Variants in COG2 observed in about 807,000 individuals in gnomAD.
COG2 encodes the protein conserved oligomeric Golgi complex subunit 2.
In COG2, 52 loss-of-function variants were observed where a neutral mutation model predicts 90.6. That is an observed-to-expected ratio of 0.57 (90% CI 0.46 to 0.72). The LOEUF is 0.72. Among genes scored for constraint, COG2 ranks in the 30% least tolerant of loss-of-function variants. COG2 has a pLI of 0.00. For missense variants in COG2, 829 were observed against 891.2 expected (o/e 0.93, Z 0.89); for synonymous variants, 337 against 320.4 (o/e 1.05, Z -0.55).
chr1:230,684,883 C>T (rs115753507), intron 11 of COG2, among the ~76,000 whole-genome samples: 6 of 152,256 alleles, frequency 3.9e-5, no homozygotes, highest in Non-Finnish European at 5.9e-5. Context: ...TAAAATTGTG[C>T]GTGGCATGAA....
chr1:230,669,340 C>T lies in COG2; in HGVS notation c.595-16C>T. On this transcript the variant is annotated splice_polypyrimidine_tract_variant and intron_variant, in intron 6 of 17. Coordinates refer to ENST00000366669, the MANE Select transcript of COG2 (RefSeq NM_007357.3). ...CAACTAGAGCTTTTTTTTTATTTAC[C>T]CACCTTTTCTTGCAGCGTATAGCTG... is the stretch of plus-strand genomic sequence containing the variant. The T allele has an allele frequency of 7.0e-6, 11 of 1,574,430 alleles. No individual in the cohort carries two copies. The highest frequency in any genetic ancestry group is 1.9e-5 in the Admixed American group (1 of 53,816).
Position 230,672,254 on chromosome 1 carries a change from G to A in COG2, c.899+614G>A, listed in dbSNP as rs112393172. Among the ~76,000 whole-genome samples the A allele has an allele frequency of 6.1e-3, 924 of 152,214 alleles. 7 individuals are homozygous for A. Among genetic ancestry groups the A allele is most frequent in the African/African-American group, 0.021 (857 of 41,534 alleles). On this transcript the variant is annotated intron_variant, in intron 8 of 17. Coordinates refer to ENST00000366669, the MANE Select transcript of COG2 (RefSeq NM_007357.3). ...ATCTGAGATTCATAGATTTCTTCAT[G>A]AATCTTTAGTGGCTTCTCAGTGCGC... is the stretch of plus-strand genomic sequence containing the variant.
intron 5 of COG2, among the ~76,000 whole-genome samples, chr1:230,664,821 G>A (rs1253283497): frequency 6.6e-6 from 1 of 152,174 alleles, no homozygotes; most frequent in Non-Finnish European, 1.5e-5. Flanking sequence ...GGGAGTCAGA[G>A]AACGTGTACT....
chr1:230,676,779 G>A (rs1369637421), intron 9 of COG2, among the ~76,000 whole-genome samples: 1 of 152,066 alleles, frequency 6.6e-6, no homozygotes, highest in East Asian at 1.9e-4. Context: ...TATTGCTTCT[G>A]TTTGTAAGGT....
At chr1:230,647,456 T>C (rs77097058) in intron 1 of COG2, among the ~76,000 whole-genome samples, 11,873 of 152,278 alleles carry the variant, frequency 0.078, 666 homozygotes, top group East Asian at 0.16. Flanking sequence ...GGCCCCAGTT[T>C]CAGCTCTGCT....
At chr1:230,664,706 T>A in intron 5 of COG2, 119 bp downstream of exon 5, 1 of 529,548 alleles carries the variant, frequency 1.9e-6, no homozygotes, top group Non-Finnish European at 3.3e-6. Flanking sequence ...TTAGTGTTTT[T>A]AAATGTAGCT....
At chr1:230,650,795 C>A (rs1047344278) in intron 1 of COG2, among the ~76,000 whole-genome samples, 3 of 152,086 alleles carry the variant, frequency 2.0e-5, no homozygotes, top group Non-Finnish European at 4.4e-5. Context: ...AGAATTTTTC[C>A]TAGGTTTTCT....
At position 230,659,535 on chromosome 1, in the gene COG2, C is replaced by T. The variant is rs746683938; in HGVS notation, c.144C>T (p.Asp48=). ...KRVQLEELRD[D]LELYYKLLKT... ...TCCAGCTGGAAGAACTGAGAGATGA[C>T]CTGGAGCTCTACTATAAACTTCTTA... The change falls in exon 2 of 18, where the codon GAC becomes GAT. Residue 48 remains aspartate (D), a synonymous_variant. Coordinates refer to ENST00000366669, the MANE Select transcript of COG2 (RefSeq NM_007357.3). The T allele has an allele frequency of 3.1e-6, 5 of 1,613,712 alleles. No individual in the cohort carries two copies. Among genetic ancestry groups the T allele is most frequent in the Non-Finnish European group, 3.4e-6 (4 of 1,179,644 alleles).
chr1:230,678,840 AC>A, intron 9 of COG2, 72 bp from the exon 10 acceptor site: 1 of 1,592,702 alleles, frequency 6.3e-7, no homozygotes, highest in Non-Finnish European at 8.5e-7. Flanking sequence ...TATCTTGATT[AC>A]AGTTTTCAGT....
chr1:230,668,942 A>G, intron 6 of COG2, 158 bp downstream of exon 6: 2 of 529,020 alleles, frequency 3.8e-6, no homozygotes, highest in Non-Finnish European at 6.6e-6. Context: ...TAAGTGTCAC[A>G]CATTATAGAT....
chr1:230,679,451 G>A (rs12046196), intron 10 of COG2: 19,132 of 154,946 alleles, frequency 0.12, 1,643 homozygotes, highest in East Asian at 0.41. Flanking sequence ...GTTTTTGCTC[G>A]TCTGAGATAC....
chr1:230,690,328 T>TGGAC, intron 16 of COG2, 175 bp downstream of exon 16: 1 of 548,748 alleles, frequency 1.8e-6, no homozygotes, highest in East Asian at 3.5e-5. Flanking sequence ...CACACCCTTG[T>TGGAC]GGACGGCCTG....
intron 1 of COG2, among the ~76,000 whole-genome samples, chr1:230,655,409 T>G (rs1662024430): frequency 6.6e-6 from 1 of 152,248 alleles, no homozygotes; most frequent in South Asian, 2.1e-4. Context: ...TTTATTGATT[T>G]GCGTGTGTTG....
chr1:230,683,445 C>A, intron 10 of COG2, 129 bp from the exon 11 acceptor site: 2 of 546,476 alleles, frequency 3.7e-6, no homozygotes, highest in Admixed American at 3.2e-5. Context: ...GGAGAATAGG[C>A]ATTCCGAGGC....
chr1:230,685,332 A>G, intron 12 of COG2, 96 bp downstream of exon 12: 1 of 1,298,846 alleles, frequency 7.7e-7, no homozygotes, highest in Non-Finnish European at 1.1e-6. Context: ...ATACCATGAG[A>G]GGTTAATTCA....
intron 1 of COG2, among the ~76,000 whole-genome samples, chr1:230,658,183 G>C (rs534278123): frequency 6.6e-6 from 1 of 152,214 alleles, no homozygotes; most frequent in East Asian, 1.9e-4. Flanking sequence ...TTTTGTGCTG[G>C]TTTCTCCCCA....
chr1:230,685,109 CT>C lies in COG2; in HGVS notation c.1255del (p.Ser419LeufsTer61). The C allele has an allele frequency of 6.2e-7, 1 of 1,614,106 alleles. No individual in the cohort carries two copies. The highest frequency in any genetic ancestry group is 1.1e-5 in the South Asian group (1 of 91,062). ...GCTGAAAGTCCGTATTGCCTTTTGG[CT>C]TCTCATAGAACTTGGAGCAGCCTTA... ...APAESPYCLLASHRTWSSLRR... is the reference protein window; with the variant it reads ...APAESPYCLLXSHRTWSSLRR... On this transcript the variant is annotated frameshift_variant, in exon 12 of 18. Coordinates refer to ENST00000366669, the MANE Select transcript of COG2 (RefSeq NM_007357.3). LOFTEE classifies it high-confidence loss of function.
At chr1:230,691,300 T>G (rs1301078414) in intron 16 of COG2, 84 bp from the exon 17 acceptor site, 3 of 1,244,500 alleles carry the variant, frequency 2.4e-6, no homozygotes, top group Admixed American at 3.1e-5. Flanking sequence ...AAAAATCTCT[T>G]TTTTTGGTCC....
chr1:230,668,555 A>C (rs1221244921), intron 5 of COG2, 121 bp from the exon 6 acceptor site: 3 of 621,738 alleles, frequency 4.8e-6, no homozygotes, highest in Non-Finnish European at 8.4e-6. Context: ...GCCACATAAA[A>C]CACTCTGACA....
Sources: allele counts gnomAD v4.1 joint callset (sites outside exome capture counted in the v4.1 genomes callset), GRCh38; gene constraint gnomAD v4.1.1; transcripts MANE v1.5; gene names NCBI Gene and HGNC (gene_info 2026-07-23, HGNC 2026-07-21).